Variants in COL4A6 observed in about 807,000 individuals in gnomAD.
COL4A6 encodes the protein collagen type IV alpha 6 chain, also known as collagen alpha-6(IV) chain.
COL4A6 carries 59 observed loss-of-function variants against 126.7 expected under a neutral mutation model. That is an observed-to-expected ratio of 0.47 (90% CI 0.38 to 0.58). COL4A6 has a LOEUF of 0.58. Among genes scored for constraint, COL4A6 ranks in the 20% least tolerant of loss-of-function variants. COL4A6 has a pLI of 0.00. For missense variants in COL4A6, 1,285 were observed against 1,337.3 expected (o/e 0.96, Z 0.61); for synonymous variants, 547 against 496.6 (o/e 1.10, Z -1.35).
intron 2 of COL4A6, among the ~76,000 whole-genome samples, chrX:108,363,665 G>A (rs2040137051): frequency 8.9e-6 from 1 of 112,016 alleles, no homozygotes; most frequent in Non-Finnish European, 1.9e-5. Flanking sequence ...TCACAGGCCT[G>A]CTACCTGTAA....
chrX:108,300,740 T>TGTGTGTGTGTGC (rs1018519253), intron 3 of COL4A6, among the ~76,000 whole-genome samples: 48 of 109,706 alleles, frequency 4.4e-4, no homozygotes, highest in Non-Finnish European at 1.9e-4. Flanking sequence ...TGTGTGTGTG[T>TGTGTGTGTGTGC]GTGTGTGTGT....
Position 108,188,007 on chromosome X carries a change from A to T in COL4A6, c.1608T>A (p.Gly536=). 2 of 1,196,557 alleles carry T rather than the reference A, an allele frequency of 1.7e-6. No individual in the cohort carries two copies. Among genetic ancestry groups the T allele is most frequent in the Non-Finnish European group, 2.3e-6 (2 of 884,799 alleles). The change falls in exon 22 of 45, where the codon GGT becomes GGA. Residue 536 remains glycine (G), a synonymous_variant. Coordinates refer to ENST00000334504, the MANE Select transcript of COL4A6 (RefSeq NM_033641.4). ...CCTTCTTTCCTTTGGGTCCTGAAGG[A>T]CCCAGAGGCCCAACTAAGCCCTGAC... ...AGAPGLVGPL[G]PSGPKGKKGE...
In COL4A6 at chrX:108,269,705, G is replaced by A. The variant is rs897811459; in HGVS notation, c.144+41043C>T. 7.3e-4 allele frequency among the ~76,000 whole-genome samples: 82 copies of A among 112,063 alleles called. 6 individuals carry two copies. The highest frequency in any genetic ancestry group is 3.8e-5 in the Non-Finnish European group (2 of 53,223). On this transcript the variant is annotated intron_variant, in intron 3 of 44. Coordinates refer to ENST00000334504, the MANE Select transcript of COL4A6 (RefSeq NM_033641.4). The stretch of plus-strand genomic sequence containing the variant: ...TACTCCCATTCTTCAAAGAACTATA[G>A]TATTTTGGTGTTTGAGGCCATTCTG...
At chrX:108,413,410 A>T (rs961171172) in intron 2 of COL4A6, among the ~76,000 whole-genome samples, 1 of 111,787 alleles carries the variant, frequency 8.9e-6, no homozygotes, top group African/African-American at 3.2e-5. Context: ...CAAAAGGAAA[A>T]GATAACCTGA....
intron 3 of COL4A6, among the ~76,000 whole-genome samples, chrX:108,283,023 G>T (rs1176608340): frequency 1.0e-5 from 1 of 96,989 alleles, no homozygotes; most frequent in Non-Finnish European, 2.1e-5. Context: ...GGGAGGGATA[G>T]CTTTAGGAGA....
intron 13 of COL4A6, among the ~76,000 whole-genome samples, chrX:108,201,443 C>G (rs1446557233): frequency 1.8e-5 from 2 of 111,844 alleles, no homozygotes; most frequent in African/African-American, 6.5e-5. Context: ...ATAAGACAAT[C>G]AAAAATTTGA....
In COL4A6 at chrX:108,205,437, A is replaced by G; in HGVS notation, c.687+2T>C. 8.4e-7 allele frequency: 1 copy of G among 1,197,164 alleles called. No individual in the cohort carries two copies. Among genetic ancestry groups the G allele is most frequent in the Non-Finnish European group, 1.1e-6 (1 of 882,442 alleles). ...AGACTGTATTTTTTAAAAGCTGTTTACCTTGACTCCTTTCTCTCCTTGAAA... is the reference window on the plus strand; with the variant it reads ...AGACTGTATTTTTTAAAAGCTGTTTGCCTTGACTCCTTTCTCTCCTTGAAA... On this transcript the variant is annotated splice_donor_variant, in intron 11 of 44. Transcript: ENST00000334504. LOFTEE classifies it high-confidence loss of function.
At chrX:108,425,721 A>C (rs1569464157) in intron 2 of COL4A6, among the ~76,000 whole-genome samples, 1 of 97,943 alleles carries the variant, frequency 1.0e-5, no homozygotes, top group African/African-American at 4.5e-5. Flanking sequence ...GCGACAGCAC[A>C]ACACACACAC....
At chrX:108,283,004 G>T (rs1197447283) in intron 3 of COL4A6, among the ~76,000 whole-genome samples, 1 of 67,678 alleles carries the variant, frequency 1.5e-5, no homozygotes, top group Admixed American at 2.0e-4. Flanking sequence ...TTGTGGGGTG[G>T]GGGGAGGGGG....
chrX:108,360,862 G>C (rs902961217), intron 2 of COL4A6, among the ~76,000 whole-genome samples: 5 of 110,931 alleles, frequency 4.5e-5, no homozygotes, highest in African/African-American at 1.6e-4. Context: ...AAGGACCGGG[G>C]GTTTTCTTTT....
At chrX:108,347,340 AT>A (rs1181875679) in intron 2 of COL4A6, among the ~76,000 whole-genome samples, 17 of 112,070 alleles carry the variant, frequency 1.5e-4, no homozygotes, top group Non-Finnish European at 3.0e-4. Context: ...GGGAGAATCA[AT>A]TTTTTTCCTC....
intron 9 of COL4A6, 78 bp downstream of exon 9, chrX:108,206,440 T>C (rs1263820789): frequency 9.6e-7 from 1 of 1,043,061 alleles, no homozygotes; most frequent in Non-Finnish European, 1.3e-6. Context: ...TTACACAGGT[T>C]TACATTGAAT....
At chrX:108,162,374 A>G (rs1161549032) in intron 41 of COL4A6, among the ~76,000 whole-genome samples, 3 of 108,733 alleles carry the variant, frequency 2.8e-5, no homozygotes, top group African/African-American at 1.0e-4. Context: ...AATAAAAAGA[A>G]GAAGAAGGAG....
At position 108,209,953 on chromosome X, in the gene COL4A6, A is replaced by T. The variant is rs1380327118; in HGVS notation, c.546+16T>A. 8.3e-7 allele frequency: 1 copy of T among 1,206,895 alleles called. No individual in the cohort carries two copies. The highest frequency in any genetic ancestry group is 1.1e-6 in the Non-Finnish European group (1 of 893,527). The stretch of plus-strand genomic sequence containing the variant: ...TTAGTCAACACTGAGAGCTCAACAC[A>T]TAAATAACAACTTACAGTGATTCCA... On this transcript the variant is annotated intron_variant, in intron 8 of 44. Transcript: ENST00000334504.
At chrX:108,259,359 C>CCACAAATAA (rs2037096387) in intron 3 of COL4A6, among the ~76,000 whole-genome samples, 1 of 111,601 alleles carries the variant, frequency 9.0e-6, no homozygotes, top group African/African-American at 3.3e-5. Context: ...AATAGTTTAT[C>CCACAAATAA]ATAGTTTAAT....
chrX:108,210,793 C>T (rs2085001238), intron 7 of COL4A6, among the ~76,000 whole-genome samples: 1 of 111,604 alleles, frequency 9.0e-6, no homozygotes, highest in South Asian at 3.8e-4. Context: ...TCATGAGGTC[C>T]TTTCCAACTC....
chrX:108,371,856 GAA>G (rs34557947), intron 2 of COL4A6, among the ~76,000 whole-genome samples: 541 of 50,568 alleles, frequency 0.011, 1 homozygote, highest in African/African-American at 0.016. Context: ...CAATATGAAG[GAA>G]AAAAAAAAAA....
chrX:108,238,071 T>C (rs955670109), intron 3 of COL4A6, among the ~76,000 whole-genome samples: 4 of 106,315 alleles, frequency 3.8e-5, no homozygotes, highest in Non-Finnish European at 7.7e-5. Flanking sequence ...TCTATCTATC[T>C]ATCTATCTAT....
chrX:108,329,326 T>C (rs1251244458), intron 2 of COL4A6, among the ~76,000 whole-genome samples: 2 of 111,580 alleles, frequency 1.8e-5, no homozygotes, highest in Non-Finnish European at 3.8e-5. Flanking sequence ...CATCCCACTG[T>C]ACCCTCTAAG....
Sources: allele counts gnomAD v4.1 joint callset (sites outside exome capture counted in the v4.1 genomes callset), GRCh38; gene constraint gnomAD v4.1.1; transcripts MANE v1.5; gene names NCBI Gene and HGNC (gene_info 2026-07-23, HGNC 2026-07-21).